Variants in CSMD1 observed in about 807,000 individuals in gnomAD.
The protein encoded by CSMD1 is CUB and sushi domain-containing protein 1.
In CSMD1, 213 loss-of-function variants were observed where a neutral mutation model predicts 417.5. The observed-to-expected ratio is 0.51, with a 90% CI of 0.46 to 0.57. The LOEUF is 0.57. Ranked by LOEUF, CSMD1 falls within the 20% of genes least tolerant of loss-of-function variation. CSMD1 has a pLI of 0.00. For missense variants in CSMD1, 6,923 were observed against 4,529.7 expected, an observed-to-expected ratio of 1.53 and a Z score of -15.17; for synonymous variants, 2,862 against 1,736.8, an observed-to-expected ratio of 1.65 and a Z score of -16.11.
At chr8:4,314,909 A>G (rs1203461998) in intron 3 of CSMD1, among the ~76,000 whole-genome samples, 2 of 152,186 alleles carry the variant, frequency 1.3e-5, no homozygotes, top group Admixed American at 1.3e-4. Flanking sequence ...GGGCTCCTAA[A>G]AACACAGAGA....
intron 10 of CSMD1, among the ~76,000 whole-genome samples, chr8:3,569,204 A>T (rs1321631704): frequency 1.3e-5 from 2 of 152,132 alleles, no homozygotes; most frequent in East Asian, 1.9e-4. Flanking sequence ...AGAAAATGCT[A>T]GTTTCTTCTA....
At chr8:4,705,678 A>C (rs1363347411) in intron 1 of CSMD1, among the ~76,000 whole-genome samples, 1 of 152,210 alleles carries the variant, frequency 6.6e-6, no homozygotes, top group Non-Finnish European at 1.5e-5. Context: ...GTGTCATATG[A>C]ATATCACTCT....
chr8:3,680,849 T>G (rs1334550776), intron 7 of CSMD1, among the ~76,000 whole-genome samples: 1 of 152,188 alleles, frequency 6.6e-6, no homozygotes, highest in South Asian at 2.1e-4. Context: ...CATGATCAAG[T>G]GGGCTTCATC....
intron 1 of CSMD1, among the ~76,000 whole-genome samples, chr8:4,728,951 G>A (rs1451452389): frequency 1.3e-5 from 2 of 152,136 alleles, no homozygotes; most frequent in Non-Finnish European, 2.9e-5. Context: ...ACGTCCATGT[G>A]GAGATAGAGA....
intron 5 of CSMD1, among the ~76,000 whole-genome samples, chr8:3,792,598 T>C (rs10110802): frequency 0.58 from 87,587 of 151,964 alleles, 26,834 homozygotes; most frequent in Non-Finnish European, 0.68. Context: ...TACCTTCCTC[T>C]TCCTTTCACC....
chr8:4,498,958 T>A (rs557285860), intron 2 of CSMD1, among the ~76,000 whole-genome samples: 1 of 152,138 alleles, frequency 6.6e-6, no homozygotes, highest in African/African-American at 2.4e-5. Context: ...CTATACAAAC[T>A]GTAAAGCTAA....
At chr8:3,889,799 T>A (rs532053350) in intron 5 of CSMD1, among the ~76,000 whole-genome samples, 1 of 152,056 alleles carries the variant, frequency 6.6e-6, no homozygotes, top group African/African-American at 2.4e-5. Context: ...TATCCCATAC[T>A]CTTCTGTTGC....
At chr8:4,281,918 G>T (rs905887735) in intron 3 of CSMD1, among the ~76,000 whole-genome samples, 1 of 152,182 alleles carries the variant, frequency 6.6e-6, no homozygotes, top group East Asian at 1.9e-4. Context: ...GTGACGTTTT[G>T]ATGACATAGA....
At chr8:4,303,609 T>C (rs940507990) in intron 3 of CSMD1, among the ~76,000 whole-genome samples, 1 of 152,094 alleles carries the variant, frequency 6.6e-6, no homozygotes, top group African/African-American at 2.4e-5. Context: ...CATTGTCATA[T>C]GAAGAGAGTT....
At chr8:4,242,770 A>T (rs1802477935) in intron 3 of CSMD1, among the ~76,000 whole-genome samples, 1 of 152,216 alleles carries the variant, frequency 6.6e-6, no homozygotes, top group Non-Finnish European at 1.5e-5. Context: ...CTGGATGGAA[A>T]GATGGTAATT....
intron 18 of CSMD1, among the ~76,000 whole-genome samples, chr8:3,385,090 TA>T (rs1382122951): frequency 1.0e-5 from 1 of 97,904 alleles, no homozygotes; most frequent in African/African-American, 4.5e-5. Context: ...AATTTATATA[TA>T]AAATATATAT....
intron 5 of CSMD1, among the ~76,000 whole-genome samples, chr8:3,964,326 G>T (rs973931360): frequency 6.6e-6 from 1 of 152,140 alleles, no homozygotes; most frequent in Non-Finnish European, 1.5e-5. Flanking sequence ...AAGTCTCATT[G>T]TGTCACCGTG....
intron 10 of CSMD1, among the ~76,000 whole-genome samples, chr8:3,564,783 G>T (rs1236834707): frequency 1.3e-5 from 2 of 151,978 alleles, no homozygotes; most frequent in South Asian, 2.1e-4. Context: ...CTTGAAAGGG[G>T]TGATGACAGA....
At chr8:4,953,488 A>T (rs13274629) in intron 1 of CSMD1, among the ~76,000 whole-genome samples, 4 of 151,918 alleles carry the variant, frequency 2.6e-5, no homozygotes, top group Admixed American at 6.6e-5. Flanking sequence ...TTCTGGATGA[A>T]CCCAACATCG....
chr8:3,189,818 G>T, intron 34 of CSMD1, 94 bp downstream of exon 34: 1 of 1,191,832 alleles, frequency 8.4e-7, no homozygotes, highest in Non-Finnish European at 1.2e-6. Context: ...TCATGAGCCA[G>T]ATGGATTTAC....
intron 54 of CSMD1, among the ~76,000 whole-genome samples, chr8:2,990,946 T>C (rs1244426131): frequency 6.6e-6 from 1 of 152,212 alleles, no homozygotes; most frequent in Admixed American, 6.5e-5. Context: ...TCACCGCCTT[T>C]CCCACATTTC....
chr8:3,217,082 G>A (rs1441123500), intron 29 of CSMD1, among the ~76,000 whole-genome samples: 1 of 152,086 alleles, frequency 6.6e-6, no homozygotes, highest in African/African-American at 2.4e-5. Context: ...GCTCCAGGCT[G>A]GATACAATAG....
chr8:3,669,810 G>C (rs1018551065), intron 7 of CSMD1, among the ~76,000 whole-genome samples: 8 of 152,106 alleles, frequency 5.3e-5, no homozygotes, highest in African/African-American at 1.9e-4. Flanking sequence ...AGCCCTAACA[G>C]CCAATTCAGA....
chr8:3,039,836 T>TA (rs1479294969), intron 50 of CSMD1, among the ~76,000 whole-genome samples: 1 of 152,226 alleles, frequency 6.6e-6, no homozygotes, highest in Non-Finnish European at 1.5e-5. Context: ...TTAGCACTGA[T>TA]ACATGCTTTG....
Sources: gnomAD v4.1 joint callset for allele counts (sites outside exome capture counted in the v4.1 genomes callset) on GRCh38, gnomAD v4.1.1 for gene constraint, MANE v1.5 for transcripts, NCBI Gene and HGNC (gene_info 2026-07-23, HGNC 2026-07-21) for gene names.